C6orf132: variants seen among roughly 807,000 people sequenced by gnomAD.
The protein encoded by C6orf132 is uncharacterized protein C6orf132.
A neutral mutation model predicts 65.3 loss-of-function variants in C6orf132; 43 were observed. The ratio of observed to expected loss-of-function variants is 0.66; its 90% CI spans 0.52 to 0.85. The LOEUF is 0.85. C6orf132 is among the 40% of genes least tolerant of loss of function. The pLI is 0.00. For missense variants in C6orf132, 1,488 were observed against 1,548.8 expected (o/e 0.96, Z 0.66); for synonymous variants, 631 against 654.1 (o/e 0.96, Z 0.54).
At position 42,102,456 on chromosome 6, in the gene C6orf132, A is replaced by C. The variant is rs1309791241; in HGVS notation, c.*1305T>G. On this transcript the variant is annotated 3_prime_UTR_variant, in exon 5 of 5. Transcript: ENST00000341865. ...AGGCCAGGATGGTCTTAATCTCTTG[A>C]CCTCATGATCCACCCGCCTCAGCCT... The C allele has an allele frequency of 6.7e-6, 1 of 148,270 alleles. No homozygotes were observed. Among genetic ancestry groups the C allele is most frequent in the Non-Finnish European group, 1.5e-5 (1 of 67,422 alleles). The allele number at this position is 148,270 out of a possible 1,614,324, so 9.2% of individuals were successfully genotyped here. A position where few individuals can be genotyped will look rare whatever the true frequency, so the allele number is the denominator to read the frequency against.
Position 42,104,962 on chromosome 6 carries a change from CG to C in C6orf132, c.2949del (p.Phe983LeufsTer38). 1 of 1,490,398 alleles carries C rather than the reference CG, an allele frequency of 6.7e-7. No individual in the cohort carries two copies. Among genetic ancestry groups the C allele is most frequent in the South Asian group, 1.3e-5 (1 of 77,806 alleles). 92.3% of individuals were successfully genotyped at this position (1,490,398 alleles called of 1,614,324 possible). A position where few individuals can be genotyped will look rare whatever the true frequency, so the allele number is the denominator to read the frequency against. ...KREEEEEEFN[F>X]EVIPPPPEFS... ...AACTCTGGCGGCGGTGGGATGACCTCGAAGTTGAACTCCTCCTCCTCCTCCT... is the reference window on the plus strand; with the variant it reads ...AACTCTGGCGGCGGTGGGATGACCTCAAGTTGAACTCCTCCTCCTCCTCCT... On this transcript the variant is annotated frameshift_variant, in exon 4 of 5. Coordinates refer to ENST00000341865, the MANE Select transcript of C6orf132 (RefSeq NM_001164446.3). LOFTEE classifies it high-confidence loss of function. The surrounding 1 kb of genome is among the most constrained non-coding windows in gnomAD (Gnocchi z 4.1).
At chr6:42,114,609 G>T (rs935295491) in intron 2 of C6orf132, among the ~76,000 whole-genome samples, 3 of 152,252 alleles carry the variant, frequency 2.0e-5, no homozygotes, top group Non-Finnish European at 4.4e-5. Context: ...ACATATTTCA[G>T]TGTGCAAATG....
chr6:42,119,206 G>A (rs895187492), intron 2 of C6orf132, among the ~76,000 whole-genome samples: 6 of 124,538 alleles, frequency 4.8e-5, no homozygotes, highest in Non-Finnish European at 7.9e-5. Context: ...CTGAGATTGC[G>A]CCACGTCACT....
intron 2 of C6orf132, among the ~76,000 whole-genome samples, chr6:42,117,644 G>A (rs1445233310): frequency 2.6e-5 from 4 of 152,068 alleles, no homozygotes; most frequent in African/African-American, 9.7e-5. Flanking sequence ...GACAAGTGCC[G>A]GGCATGGTGG....
rs144609385 is a variant in C6orf132 at position 42,125,424 on chromosome 6, G to A, written c.252+3248C>T. ...CGTGGAATGGTGCCTGGCACACAGT[G>A]AGTGCTCAGCATACGGTGGCCACGA... On this transcript the variant is annotated intron_variant, in intron 2 of 4. Transcript: ENST00000341865. Among the ~76,000 whole-genome samples the A allele has an allele frequency of 5.9e-5, 9 of 152,338 alleles. No homozygotes were observed. The East Asian group carries it at 1.7e-3, about 29-fold the overall frequency.
intron 1 of C6orf132, among the ~76,000 whole-genome samples, chr6:42,139,092 C>G (rs901886544): frequency 6.6e-6 from 1 of 152,188 alleles, no homozygotes; most frequent in African/African-American, 2.4e-5. Context: ...ATGGCTGCAA[C>G]CACAGAGCAA....
At chr6:42,119,136 G>A (rs112297436) in intron 2 of C6orf132, among the ~76,000 whole-genome samples, 25,162 of 144,968 alleles carry the variant, frequency 0.17, 2,443 homozygotes, top group African/African-American at 0.23. Context: ...CCAACTACTC[G>A]GGAGGCTGAG....
At chr6:42,131,715 C>T (rs1322580107) in intron 1 of C6orf132, among the ~76,000 whole-genome samples, 6 of 152,206 alleles carry the variant, frequency 3.9e-5, no homozygotes, top group East Asian at 1.9e-4. Context: ...CCCAAGCAGG[C>T]GCTCTAACTG....
chr6:42,107,614 A>G, intron 3 of C6orf132, 31 bp from the exon 4 acceptor site: 2 of 1,550,394 alleles, frequency 1.3e-6, no homozygotes, highest in Non-Finnish European at 1.7e-6. Context: ...GATGGGGGGC[A>G]GGAACAAGGC....
At chr6:42,127,206 C>T (rs1407207057) in intron 2 of C6orf132, among the ~76,000 whole-genome samples, 1 of 152,176 alleles carries the variant, frequency 6.6e-6, no homozygotes, top group African/African-American at 2.4e-5. Context: ...CCTCCCACCT[C>T]GGCCTCCCAA....
In C6orf132 at chr6:42,104,391, C is replaced by T; in HGVS notation, c.3449+72G>A. Reference sequence around the variant, plus strand: ...CCAAATGTTTTCTCTTGACGGATGGCCGGGACTCCTTGGCCCTCGCCTGGC... The same window carrying T: ...CCAAATGTTTTCTCTTGACGGATGGTCGGGACTCCTTGGCCCTCGCCTGGC... On this transcript the variant is annotated intron_variant, in intron 4 of 4. Transcript: ENST00000341865. This position sits in a 1 kb window ranked among gnomAD's most constrained non-coding sequence, Gnocchi z 4.1. 8.2e-7 allele frequency: 1 copy of T among 1,226,806 alleles called. No individual in the cohort carries two copies. Among genetic ancestry groups the T allele is most frequent in the Non-Finnish European group, 1.0e-6 (1 of 985,118 alleles). The allele number at this position is 1,226,806 out of a possible 1,614,324, so 76.0% of individuals were successfully genotyped here.
In C6orf132 at chr6:42,106,444, G is replaced by A. The variant is rs1766408742; in HGVS notation, c.1468C>T (p.His490Tyr). ...GSRREDRFLS[H>Y]RPGPTVAPQS... Reference sequence around the variant, plus strand: ...GGGGCCACTGTTGGGCCTGGCCTGTGACTGAGGAATCGGTCCTCTCTCCTG... The same window carrying A: ...GGGGCCACTGTTGGGCCTGGCCTGTAACTGAGGAATCGGTCCTCTCTCCTG... Residue 490 changes from histidine to tyrosine, a missense_variant, in exon 4 of 5, where the codon CAC becomes TAC. His to Tyr is a moderately conservative substitution (Grantham distance 83, BLOSUM62 2). Coordinates refer to ENST00000341865, the MANE Select transcript of C6orf132 (RefSeq NM_001164446.3). 7 of 1,536,276 alleles carry A rather than the reference G, an allele frequency of 4.6e-6. No individual in the cohort carries two copies. In the East Asian group the frequency reaches 1.5e-4, roughly 32 times the overall value.
In C6orf132 at chr6:42,106,262, A is replaced by G; in HGVS notation, c.1650T>C (p.Ser550=). The G allele has an allele frequency of 6.5e-7, 1 of 1,537,100 alleles. No homozygotes were observed. The highest frequency in any genetic ancestry group is 1.4e-5 in the African/African-American group (1 of 73,170). ...GAGAGTCTTGGGGAATGTAGTCCACAGAGGGCAGGGTCAGGCTGGGGGCAG... is the reference window on the plus strand; with the variant it reads ...GAGAGTCTTGGGGAATGTAGTCCACGGAGGGCAGGGTCAGGCTGGGGGCAG... ...TEAAPSLTLP[S]VDYIPQDSPT... The change falls in exon 4 of 5, where the codon TCT becomes TCC. Residue 550 remains serine (S), a synonymous_variant. Coordinates refer to ENST00000341865, the MANE Select transcript of C6orf132 (RefSeq NM_001164446.3).
At chr6:42,127,299 C>G (rs1363691496) in intron 2 of C6orf132, among the ~76,000 whole-genome samples, 1 of 152,054 alleles carries the variant, frequency 6.6e-6, no homozygotes, top group Non-Finnish European at 1.5e-5. Flanking sequence ...CTATAATATC[C>G]ACGAACTGCT....
Position 42,107,271 on chromosome 6 carries a change from A to T in C6orf132, c.641T>A (p.Phe214Tyr). 1 of 1,220,870 alleles carries T rather than the reference A, an allele frequency of 8.2e-7. No homozygotes were observed. Among genetic ancestry groups the T allele is most frequent in the Non-Finnish European group, 1.1e-6 (1 of 931,288 alleles). 75.6% of individuals were successfully genotyped at this position (1,220,870 alleles called of 1,614,324 possible). A position where few individuals can be genotyped will look rare whatever the true frequency, so the allele number is the denominator to read the frequency against. Residue 214 changes from phenylalanine to tyrosine, a missense_variant, in exon 4 of 5, where the codon TTC becomes TAC. Transcript: ENST00000341865. ...SSPSIPTPPD[F>Y]IPPAPPLAFL... ...GGCCAAGGGTGGGGCAGGGGGAATG[A>T]AGTCAGGAGGGGTGGGTATGGATGG... is the stretch of plus-strand genomic sequence containing the variant.
chr6:42,126,160 C>A (rs1444042652), intron 2 of C6orf132, among the ~76,000 whole-genome samples: 2 of 152,028 alleles, frequency 1.3e-5, no homozygotes, highest in African/African-American at 4.8e-5. Context: ...TGGCTCACTG[C>A]AACCTCCGCC....
chr6:42,142,593 C>T lies in C6orf132; in HGVS notation c.-149G>A. Reference sequence around the variant, plus strand: ...CCGCCCGCGCACCGGGCAACAGGTGCTGCGGGCGCCGCCGCTTGCCGGGAA... The same window carrying T: ...CCGCCCGCGCACCGGGCAACAGGTGTTGCGGGCGCCGCCGCTTGCCGGGAA... On this transcript the variant is annotated 5_prime_UTR_variant, in exon 1 of 5. Coordinates refer to ENST00000341865, the MANE Select transcript of C6orf132 (RefSeq NM_001164446.3). The T allele has an allele frequency of 2.8e-6, 1 of 354,802 alleles. No individual in the cohort carries two copies. The highest frequency in any genetic ancestry group is 4.5e-6 in the Non-Finnish European group (1 of 219,896). 22.0% of individuals were successfully genotyped at this position (354,802 alleles called of 1,614,324 possible).
chr6:42,137,948 C>T (rs1282013278), intron 1 of C6orf132, among the ~76,000 whole-genome samples: 2 of 152,154 alleles, frequency 1.3e-5, no homozygotes, highest in East Asian at 3.9e-4. Flanking sequence ...GTGGCGCAGG[C>T]CGGGGAGGCT....
Position 42,124,834 on chromosome 6 carries a change from G to T in C6orf132, c.252+3838C>A, listed in dbSNP as rs893845849. On this transcript the variant is annotated intron_variant, in intron 2 of 4. Coordinates refer to ENST00000341865, the MANE Select transcript of C6orf132 (RefSeq NM_001164446.3). This position sits in a 1 kb window ranked among gnomAD's most constrained non-coding sequence, Gnocchi z 4.0. ...AGAAGCTCAGACAGGAGAGAATTAA[G>T]CCGCCAGCCGGATTCCCCTCCACCC... Among the ~76,000 whole-genome samples the T allele has an allele frequency of 1.3e-5, 2 of 152,186 alleles. No individual in the cohort carries two copies. Among genetic ancestry groups the T allele is most frequent in the Admixed American group, 1.3e-4 (2 of 15,284 alleles).
Sources: gnomAD v4.1 joint callset for allele counts (sites outside exome capture counted in the v4.1 genomes callset) on GRCh38, gnomAD v4.1.1 for gene constraint, Gnocchi (gnomAD v3.1) non-coding constraint, MANE v1.5 for transcripts, NCBI Gene and HGNC (gene_info 2026-07-23, HGNC 2026-07-21) for gene names.